The following RORA variants were observed in gnomAD, a reference collection of about 807,000 sequenced individuals.
RORA encodes the protein RAR related orphan receptor A, also known as nuclear receptor ROR-alpha.
Under a neutral mutation model 69.5 loss-of-function variants are expected in RORA, and 7 were observed. That is an observed-to-expected ratio of 0.10 (90% CI 0.06 to 0.19). The LOEUF (loss-of-function observed/expected upper bound fraction) is 0.19, where lower values mean the gene tolerates loss of function less well. RORA is among the 10% of genes least tolerant of loss of function. The pLI is 1.00. For missense variants in RORA, 457 were observed against 663.0 expected (o/e 0.69, Z 3.41); for synonymous variants, 261 against 240.8 (o/e 1.08, Z -0.78).
rs111284077 is a variant in RORA, at chr15:60,578,121, A to T, written c.197-46270T>A. Among the ~76,000 whole-genome samples, 4 of 152,362 alleles carry T rather than the reference A, an allele frequency of 2.6e-5. No homozygotes were observed. In the East Asian group the frequency reaches 7.7e-4, roughly 29 times the overall value. ...GTTAGAATATGGAACCTGAAGCCAT[A>T]TCACTGACTTTTTGTACTTTGTTAA... On this transcript the variant is annotated intron_variant, in intron 2 of 10. Transcript: ENST00000335670.
At chr15:61,139,085 A>C (rs2079272865) in intron 1 of RORA, among the ~76,000 whole-genome samples, 2 of 152,026 alleles carry the variant, frequency 1.3e-5, no homozygotes. Context: ...CGGAGCTTGC[A>C]GTGAGCCAAG....
intron 1 of RORA, among the ~76,000 whole-genome samples, chr15:60,794,308 C>T (rs1013307529): frequency 6.6e-6 from 1 of 152,180 alleles, no homozygotes; most frequent in Non-Finnish European, 1.5e-5. Context: ...TCTTGAGAAA[C>T]CTTTTCTCCC....
At chr15:60,592,469 C>T (rs2068557408) in intron 2 of RORA, 1 of 1,368,660 alleles carries the variant, frequency 7.3e-7, no homozygotes. Flanking sequence ...GACCCCGGAG[C>T]CCCCTCTGCC....
intron 1 of RORA, among the ~76,000 whole-genome samples, chr15:61,056,538 G>A (rs896876146): frequency 2.0e-5 from 3 of 152,166 alleles, no homozygotes; most frequent in African/African-American, 7.2e-5. Context: ...TCCAGCCATT[G>A]GATCAACCAT....
chr15:61,224,018 A>C (rs1596084480), intron 1 of RORA, among the ~76,000 whole-genome samples: 1 of 151,604 alleles, frequency 6.6e-6, no homozygotes. Flanking sequence ...AAAAAAAAAA[A>C]CCACTAAAAA....
chr15:60,596,381 G>A (rs1270221527), intron 2 of RORA, among the ~76,000 whole-genome samples: 1 of 152,088 alleles, frequency 6.6e-6, no homozygotes, highest in Non-Finnish European at 1.5e-5. Context: ...TCAGTGAAAG[G>A]TTAATGTGGT....
intron 1 of RORA, among the ~76,000 whole-genome samples, chr15:61,013,507 CT>C (rs1895159611): frequency 6.6e-6 from 1 of 152,146 alleles, no homozygotes; most frequent in Non-Finnish European, 1.5e-5. Context: ...TTATTATTGC[CT>C]TTTAGATGTC....
intron 2 of RORA, among the ~76,000 whole-genome samples, chr15:60,609,337 A>G (rs1347242561): frequency 6.6e-6 from 1 of 152,194 alleles, no homozygotes; most frequent in African/African-American, 2.4e-5. Flanking sequence ...GAAATACTTA[A>G]TTAGGCAAAA....
chr15:60,849,703 A>G (rs2073303736), intron 1 of RORA, among the ~76,000 whole-genome samples: 1 of 152,244 alleles, frequency 6.6e-6, no homozygotes, highest in Admixed American at 6.5e-5. Flanking sequence ...TGGTGTAAAT[A>G]TTCCTACAGT....
chr15:60,556,780 C>G (rs1482583119), intron 2 of RORA: 13 of 1,163,140 alleles, frequency 1.1e-5, no homozygotes, highest in Non-Finnish European at 1.3e-5. Context: ...ATCTTTGATT[C>G]AAACCTCACT....
chr15:60,526,145 G>A (rs757197038), intron 3 of RORA, among the ~76,000 whole-genome samples: 1 of 152,174 alleles, frequency 6.6e-6, no homozygotes, highest in Non-Finnish European at 1.5e-5. Context: ...TCATACATCT[G>A]GCAGCAATAA....
At chr15:61,022,560 T>G (rs902676112) in intron 1 of RORA, among the ~76,000 whole-genome samples, 1 of 152,162 alleles carries the variant, frequency 6.6e-6, no homozygotes, top group Non-Finnish European at 1.5e-5. Context: ...ATTCTGTTGA[T>G]GCAAAATCTG....
chr15:60,513,560 C>A (rs1167500649), intron 4 of RORA, among the ~76,000 whole-genome samples: 1 of 152,178 alleles, frequency 6.6e-6, no homozygotes, highest in Non-Finnish European at 1.5e-5. Context: ...TGAGATATAC[C>A]TAACTTTGTC....
rs1268390322 is a variant in RORA at position 60,861,329 on chromosome 15, T to C, written c.167-182643A>G. ...AATCCCACTAGAGGAATTGGGTATG[T>C]TTGTAGACCCAACCACTTACATTGA... On this transcript the variant is annotated intron_variant, in intron 1 of 10. Coordinates refer to ENST00000335670, the MANE Select transcript of RORA (RefSeq NM_134261.3). Among the ~76,000 whole-genome samples the C allele has an allele frequency of 2.0e-5, 3 of 152,306 alleles. No homozygotes were observed. In the East Asian group the frequency reaches 5.8e-4, roughly 29 times the overall value.
intron 1 of RORA, among the ~76,000 whole-genome samples, chr15:60,935,676 C>A (rs1892499588): frequency 6.6e-6 from 1 of 152,134 alleles, no homozygotes; most frequent in Non-Finnish European, 1.5e-5. Flanking sequence ...GCCTTGAGGC[C>A]CAAACAGAGA....
intron 1 of RORA, among the ~76,000 whole-genome samples, chr15:61,157,739 G>C (rs913694684): frequency 6.6e-6 from 1 of 152,168 alleles, no homozygotes; most frequent in Non-Finnish European, 1.5e-5. Context: ...ACATCTAGCT[G>C]AGTGACTGGC....
At chr15:60,959,699 T>C (rs1893361994) in intron 1 of RORA, among the ~76,000 whole-genome samples, 1 of 152,174 alleles carries the variant, frequency 6.6e-6, no homozygotes, top group African/African-American at 2.4e-5. Context: ...GGCCATGAAG[T>C]GTGACACCTT....
intron 1 of RORA, among the ~76,000 whole-genome samples, chr15:60,704,870 A>C (rs2071038134): frequency 6.6e-6 from 1 of 152,128 alleles, no homozygotes; most frequent in South Asian, 2.1e-4. Flanking sequence ...CTGGATGGTA[A>C]ATGAGCTTGC....
At chr15:60,597,584 A>ATATG (rs2068711422) in intron 2 of RORA, among the ~76,000 whole-genome samples, 1 of 22,300 alleles carries the variant, frequency 4.5e-5, no homozygotes, top group Non-Finnish European at 8.0e-5. Context: ...ACACATATAT[A>ATATG]TATATATATA....
Sources: allele counts gnomAD v4.1 joint callset (sites outside exome capture counted in the v4.1 genomes callset), GRCh38; gene constraint gnomAD v4.1.1; transcripts MANE v1.5; gene names NCBI Gene and HGNC (gene_info 2026-07-23, HGNC 2026-07-21).